Variants in GLIS3 observed in about 807,000 individuals in gnomAD.
GLIS3 encodes the protein zinc finger protein GLIS3.
A neutral mutation model predicts 78.6 loss-of-function variants in GLIS3; 53 were observed. That is an observed-to-expected ratio of 0.67 (90% CI 0.54 to 0.85). The LOEUF (loss-of-function observed/expected upper bound fraction) is 0.85, where lower values mean the gene tolerates loss of function less well. GLIS3 is among the 40% of genes least tolerant of loss of function. The pLI, the probability that GLIS3 is intolerant of heterozygous loss-of-function variation, is 0.00. For missense variants in GLIS3, 1,703 were observed against 1,231.1 expected (o/e 1.38, Z -5.74); for synonymous variants, 684 against 509.9 (o/e 1.34, Z -4.60).
chr9:4,383,049 C>G, the GLIS3 span, among the ~76,000 whole-genome samples: 1 of 152,176 alleles, frequency 6.6e-6, no homozygotes, highest in African/African-American at 2.4e-5. Context: ...AAATAGACAG[C>G]AAAACTTCAG....
At chr9:3,871,255 A>G (rs1820950996) in intron 8 of GLIS3, among the ~76,000 whole-genome samples, 1 of 151,942 alleles carries the variant, frequency 6.6e-6, no homozygotes, top group Non-Finnish European at 1.5e-5. Flanking sequence ...ATGGGCTGGC[A>G]TTGAGCATGG....
chr9:4,446,558 T>A, the GLIS3 span, among the ~76,000 whole-genome samples: 2 of 149,282 alleles, frequency 1.3e-5, no homozygotes, highest in African/African-American at 5.0e-5. Flanking sequence ...CACCCAGGCT[T>A]GAGTGCAGTG....
At chr9:3,988,410 T>C (rs1819945289) in intron 4 of GLIS3, among the ~76,000 whole-genome samples, 1 of 152,174 alleles carries the variant, frequency 6.6e-6, no homozygotes, top group Non-Finnish European at 1.5e-5. Flanking sequence ...TACCACTTGA[T>C]ACTCAAGACG....
intron 6 of GLIS3, among the ~76,000 whole-genome samples, chr9:3,916,476 T>G (rs1007880249): frequency 1.3e-5 from 2 of 152,220 alleles, no homozygotes; most frequent in African/African-American, 2.4e-5. Context: ...TTGACGCCAC[T>G]CAAAGGAACT....
At chr9:4,225,030 T>A (rs1387887923) in intron 2 of GLIS3, among the ~76,000 whole-genome samples, 1 of 151,986 alleles carries the variant, frequency 6.6e-6, no homozygotes, top group Non-Finnish European at 1.5e-5. Flanking sequence ...GCCTTCACAT[T>A]TGCAATCTCA....
intron 4 of GLIS3, among the ~76,000 whole-genome samples, chr9:4,050,666 G>T (rs1432985866): frequency 6.6e-6 from 1 of 152,112 alleles, no homozygotes; most frequent in Admixed American, 6.6e-5. Flanking sequence ...ATATATCTCT[G>T]TACAGAACAC....
intron 4 of GLIS3, among the ~76,000 whole-genome samples, chr9:4,035,500 T>C (rs1435204223): frequency 6.6e-6 from 1 of 151,846 alleles, no homozygotes; most frequent in African/African-American, 2.4e-5. Flanking sequence ...TCTTTAACTT[T>C]AGCTCCCATG....
At chr9:4,390,212 G>T in the GLIS3 span, among the ~76,000 whole-genome samples, 3 of 152,218 alleles carry the variant, frequency 2.0e-5, no homozygotes, top group Non-Finnish European at 4.4e-5. Context: ...AGCAGCAGCC[G>T]CAGCTGAAGT....
intron 7 of GLIS3, among the ~76,000 whole-genome samples, chr9:3,880,498 T>G (rs1821651931): frequency 6.6e-6 from 1 of 152,238 alleles, no homozygotes; most frequent in African/African-American, 2.4e-5. Context: ...CTGATTCTCT[T>G]TAACTTCCTT....
chr9:4,092,873 A>G (rs1243489147), intron 4 of GLIS3, among the ~76,000 whole-genome samples: 2 of 152,276 alleles, frequency 1.3e-5, no homozygotes, highest in Non-Finnish European at 2.9e-5. Context: ...TATGTGCTGT[A>G]CATAACTATA....
chr9:4,236,448 T>C (rs1055268799), intron 2 of GLIS3, among the ~76,000 whole-genome samples: 8 of 152,170 alleles, frequency 5.3e-5, no homozygotes, highest in Non-Finnish European at 5.9e-5. Flanking sequence ...CTTTTCCACA[T>C]GGGTTGGGAG....
At chr9:4,295,955 T>C (rs1392083656) in intron 1 of GLIS3, among the ~76,000 whole-genome samples, 1 of 152,172 alleles carries the variant, frequency 6.6e-6, no homozygotes. Flanking sequence ...ACAGATTTCC[T>C]ATGTGCCTTT....
chr9:4,106,552 AT>A (rs561635734), intron 4 of GLIS3, among the ~76,000 whole-genome samples: 99 of 152,276 alleles, frequency 6.5e-4, no homozygotes, highest in African/African-American at 2.3e-3. Context: ...GAATATATTT[AT>A]GGAAATGGAC....
At chr9:4,256,754 C>G (rs556401766) in intron 2 of GLIS3, among the ~76,000 whole-genome samples, 1 of 152,046 alleles carries the variant, frequency 6.6e-6, no homozygotes, top group African/African-American at 2.4e-5. Flanking sequence ...TAGAATATGA[C>G]TTTTTAAAAA....
chr9:4,460,820 C>G, the GLIS3 span, among the ~76,000 whole-genome samples: 2 of 152,110 alleles, frequency 1.3e-5, no homozygotes, highest in East Asian at 3.9e-4. Flanking sequence ...TATTTCAAAT[C>G]TGGAGTGTTT....
chr9:4,405,515 G>C, the GLIS3 span, among the ~76,000 whole-genome samples: 1 of 152,042 alleles, frequency 6.6e-6, no homozygotes, highest in African/African-American at 2.4e-5. Flanking sequence ...AACCTATTAA[G>C]ATTGAATCAG....
chr9:4,367,935 G>A, the GLIS3 span, among the ~76,000 whole-genome samples: 1 of 152,200 alleles, frequency 6.6e-6, no homozygotes, highest in African/African-American at 2.4e-5. Flanking sequence ...GTTCAGAGAG[G>A]TTTGTGTAGC....
At chr9:4,265,401 G>A (rs1157082331) in intron 2 of GLIS3, among the ~76,000 whole-genome samples, 1 of 151,120 alleles carries the variant, frequency 6.6e-6, no homozygotes, top group Non-Finnish European at 1.5e-5. Flanking sequence ...TTATCCCTTA[G>A]AAAGGGTAAG....
chr9:3,888,437 G>A (rs538149711), intron 7 of GLIS3, among the ~76,000 whole-genome samples: 1 of 152,270 alleles, frequency 6.6e-6, no homozygotes, highest in East Asian at 1.9e-4. Context: ...TTTTAGCATA[G>A]ACAGCCAATC....
Sources: gnomAD v4.1 joint callset for allele counts (sites outside exome capture counted in the v4.1 genomes callset) on GRCh38, gnomAD v4.1.1 for gene constraint, MANE v1.5 for transcripts, NCBI Gene and HGNC (gene_info 2026-07-23, HGNC 2026-07-21) for gene names.